The following NRXN1 variants were observed in gnomAD, a reference collection of about 807,000 sequenced individuals.
NRXN1 encodes the protein neurexin 1, also known as neurexin-1.
A neutral mutation model predicts 150.9 loss-of-function variants in NRXN1; 39 were observed. The ratio of observed to expected loss-of-function variants is 0.26; its 90% CI spans 0.20 to 0.34. The LOEUF (loss-of-function observed/expected upper bound fraction) is 0.34. NRXN1 is among the 10% of genes least tolerant of loss of function. NRXN1 has a pLI of 1.00. For synonymous variants in NRXN1, 924 were observed against 757.0 expected (o/e 1.22, Z -3.62); for missense variants, 1,815 against 1,949.9 (o/e 0.93, Z 1.30).
intron 18 of NRXN1, among the ~76,000 whole-genome samples, chr2:50,100,947 T>C (rs2152709938): frequency 6.6e-6 from 1 of 152,180 alleles, no homozygotes; most frequent in East Asian, 1.9e-4. Context: ...TTTTCACAGG[T>C]AATACTTTCC....
chr2:50,283,021 A>G (rs2071662420), intron 17 of NRXN1, among the ~76,000 whole-genome samples: 1 of 152,192 alleles, frequency 6.6e-6, no homozygotes, highest in East Asian at 1.9e-4. Flanking sequence ...GAACAATAAG[A>G]TATTTCACCT....
Position 49,966,811 on chromosome 2 carries a change from C to G in NRXN1, c.4129-23020G>C, listed in dbSNP as rs1387027562. On this transcript the variant is annotated intron_variant, in intron 21 of 22. Transcript: ENST00000401669. ...TAAATCTGAAGTTGAGAAGAGAATT[C>G]TGGGCTGGGGATCATATAGATTTCC... The G allele has an allele frequency of 4.6e-5, 7 of 152,078 alleles. No individual in the cohort carries two copies. The East Asian group carries it at 1.3e-3, about 29-fold the overall frequency. The allele number at this position is 152,078 out of a possible 1,614,324, so 9.4% of individuals were successfully genotyped here.
intron 12 of NRXN1, among the ~76,000 whole-genome samples, chr2:50,521,613 T>TA (rs959544394): frequency 1.2e-4 from 18 of 152,186 alleles, no homozygotes; most frequent in African/African-American, 4.1e-4. Flanking sequence ...CCCCATGATT[T>TA]AAAGAGCCTT....
At chr2:50,082,920 A>G (rs1181287141) in intron 19 of NRXN1, among the ~76,000 whole-genome samples, 1 of 152,210 alleles carries the variant, frequency 6.6e-6, no homozygotes, top group African/African-American at 2.4e-5. Context: ...TGAAGAAATT[A>G]ATTTCTCAGA....
intron 5 of NRXN1, among the ~76,000 whole-genome samples, chr2:50,739,485 G>A (rs1699177492): frequency 6.6e-6 from 1 of 152,088 alleles, no homozygotes; most frequent in Non-Finnish European, 1.5e-5. Flanking sequence ...GTTTTAAACT[G>A]AATGAACTTG....
At position 50,592,306 on chromosome 2, in the gene NRXN1, C is replaced by A. The variant is rs181258828; in HGVS notation, c.1320+27716G>T. ...CTTCCACAGTTGGCAAGGGCCAGGG[C>A]AAATGACACCAGAGTGATCTAAACA... On this transcript the variant is annotated intron_variant, in intron 8 of 22. Transcript: ENST00000401669. 4.0e-4 allele frequency among the ~76,000 whole-genome samples: 61 copies of A among 152,326 alleles called. 1 individual carries two copies. Among genetic ancestry groups the A allele is most frequent in the Admixed American group, 3.9e-3 (59 of 15,300 alleles).
chr2:50,691,158 A>C (rs1692016063), intron 5 of NRXN1, among the ~76,000 whole-genome samples: 1 of 152,212 alleles, frequency 6.6e-6, no homozygotes, highest in African/African-American at 2.4e-5. Context: ...ACGTGAAGAG[A>C]GTTATGCATC....
chr2:49,995,099 A>G (rs1434440026), intron 21 of NRXN1, among the ~76,000 whole-genome samples: 1 of 152,228 alleles, frequency 6.6e-6, no homozygotes, highest in Non-Finnish European at 1.5e-5. Flanking sequence ...GATTTCATAT[A>G]GCTAAGGATA....
At chr2:50,493,967 A>G (rs2091414295) in intron 15 of NRXN1, among the ~76,000 whole-genome samples, 1 of 152,162 alleles carries the variant, frequency 6.6e-6, no homozygotes, top group Non-Finnish European at 1.5e-5. Context: ...TTTTATCTTC[A>G]GAGTTATCCA....
intron 2 of NRXN1, among the ~76,000 whole-genome samples, chr2:51,015,467 A>C (rs746193208): frequency 6.6e-6 from 1 of 152,032 alleles, no homozygotes; most frequent in Non-Finnish European, 1.5e-5. Flanking sequence ...GTCGAGGAGA[A>C]GGAAGGTGCC....
intron 17 of NRXN1, among the ~76,000 whole-genome samples, chr2:50,358,867 G>A (rs982505392): frequency 6.6e-6 from 1 of 152,190 alleles, no homozygotes; most frequent in South Asian, 2.1e-4. Flanking sequence ...CCACTGGGAC[G>A]AAGCTTCCAG....
intron 5 of NRXN1, among the ~76,000 whole-genome samples, chr2:50,768,451 G>A (rs529945856): frequency 6.6e-6 from 1 of 151,824 alleles, no homozygotes; most frequent in South Asian, 2.1e-4. Flanking sequence ...TAGGACTACA[G>A]GTGTGCACCC....
intron 5 of NRXN1, among the ~76,000 whole-genome samples, chr2:50,694,134 G>A (rs1385000735): frequency 6.6e-6 from 1 of 152,166 alleles, no homozygotes; most frequent in African/African-American, 2.4e-5. Context: ...ACGTGTGTAT[G>A]ATTTAGCAAG....
In NRXN1 at chr2:50,962,455, C is replaced by G. The variant is rs892461339; in HGVS notation, c.773-36500G>C. On this transcript the variant is annotated intron_variant, in intron 2 of 22. Coordinates refer to ENST00000401669, the MANE Select transcript of NRXN1 (RefSeq NM_001330078.2). ...TGCTTCATGGAAATTTAAACCTGGC[C>G]TCCACACATTACAGCTTCCACATTA... Among the ~76,000 whole-genome samples the G allele has an allele frequency of 2.6e-5, 4 of 151,766 alleles. No homozygotes were observed. In the Middle Eastern group the frequency reaches 0.01, roughly 387 times the overall value.
intron 17 of NRXN1, among the ~76,000 whole-genome samples, chr2:50,364,174 G>T (rs144145280): frequency 6.6e-6 from 1 of 152,018 alleles, no homozygotes; most frequent in Non-Finnish European, 1.5e-5. Context: ...AACCACCATG[G>T]CACATGTTTA....
At chr2:50,299,267 G>T (rs1017879677) in intron 17 of NRXN1, among the ~76,000 whole-genome samples, 1 of 152,060 alleles carries the variant, frequency 6.6e-6, no homozygotes, top group Non-Finnish European at 1.5e-5. Context: ...TCTGTCATCT[G>T]CTATATATTG....
intron 5 of NRXN1, among the ~76,000 whole-genome samples, chr2:50,766,041 C>T (rs956959287): frequency 6.6e-6 from 1 of 152,028 alleles, no homozygotes; most frequent in Non-Finnish European, 1.5e-5. Flanking sequence ...AGCTCATGTA[C>T]TACAACAAAG....
chr2:50,222,656 T>G (rs960274337), intron 18 of NRXN1, among the ~76,000 whole-genome samples: 4 of 151,968 alleles, frequency 2.6e-5, no homozygotes, highest in African/African-American at 9.7e-5. Context: ...GCTACCCTCA[T>G]AACATGTAGC....
chr2:50,464,203 G>T (rs1558776341), intron 17 of NRXN1, among the ~76,000 whole-genome samples: 1 of 151,624 alleles, frequency 6.6e-6, no homozygotes, highest in Admixed American at 6.6e-5. Context: ...ATTGCTTCAG[G>T]TTTACTGTAA....
Sources: gnomAD v4.1 joint callset for allele counts (sites outside exome capture counted in the v4.1 genomes callset) on GRCh38, gnomAD v4.1.1 for gene constraint, MANE v1.5 for transcripts, NCBI Gene and HGNC (gene_info 2026-07-23, HGNC 2026-07-21) for gene names.